The following CACNA2D1 variants were observed in gnomAD, a reference collection of about 807,000 sequenced individuals.
CACNA2D1 encodes voltage-dependent calcium channel subunit alpha-2/delta-1.
Under a neutral mutation model 171.5 loss-of-function variants are expected in CACNA2D1, and 53 were observed. That is an observed-to-expected ratio of 0.31 (90% confidence interval 0.25 to 0.39). CACNA2D1 has a LOEUF of 0.39. Ranked by LOEUF, CACNA2D1 falls within the 10% of genes least tolerant of loss-of-function variation. CACNA2D1 has a pLI of 1.00. For missense variants in CACNA2D1, 903 were observed against 1,299.8 expected (o/e 0.69, Z 4.69); for synonymous variants, 442 against 443.1 (o/e 1.00, Z 0.03).
intron 3 of CACNA2D1, among the ~76,000 whole-genome samples, chr7:82,212,502 T>G (rs1800663696): frequency 1.3e-5 from 2 of 152,220 alleles, no homozygotes; most frequent in African/African-American, 4.8e-5. Flanking sequence ...TAGATAAATT[T>G]GTAGAACATA....
chr7:82,211,877 GT>G (rs1337640876), intron 3 of CACNA2D1, among the ~76,000 whole-genome samples: 10 of 150,624 alleles, frequency 6.6e-5, no homozygotes, highest in African/African-American at 2.2e-4. Context: ...ACCTGTTTTT[GT>G]TTTGTTTTGT....
Position 81,967,970 on chromosome 7 carries a change from C to G in CACNA2D1, c.2396-307G>C, listed in dbSNP as rs191120486. Among the ~76,000 whole-genome samples the G allele has an allele frequency of 1.1e-3, 167 of 151,598 alleles. 1 individual carries two copies. The highest frequency in any genetic ancestry group is 3.5e-3 in the African/African-American group (147 of 41,486). On this transcript the variant is annotated intron_variant, in intron 29 of 38. Transcript: ENST00000356860. ...TCAAACGGTATATTTTAAGATGTTT[C>G]CCTAACCCCACCAGTGCTTGCAGTA...
At chr7:82,059,290 ATTTG>A (rs1433504429) in intron 10 of CACNA2D1, among the ~76,000 whole-genome samples, 1 of 152,122 alleles carries the variant, frequency 6.6e-6, no homozygotes, top group Non-Finnish European at 1.5e-5. Context: ...ACATGGTAAC[ATTTG>A]TTTGTCTTAT....
chr7:82,287,027 A>G (rs1810876258), intron 3 of CACNA2D1, among the ~76,000 whole-genome samples: 1 of 152,182 alleles, frequency 6.6e-6, no homozygotes, highest in Admixed American at 6.5e-5. Flanking sequence ...TCTCTTCTCA[A>G]TCATCAGCTG....
intron 5 of CACNA2D1, among the ~76,000 whole-genome samples, chr7:82,122,614 C>T (rs1789869172): frequency 6.6e-6 from 1 of 151,208 alleles, no homozygotes; most frequent in African/African-American, 2.4e-5. Context: ...TACAGTGCTA[C>T]AAAAGTATAC....
chr7:81,953,557 T>TAAA (rs35236970), intron 38 of CACNA2D1, among the ~76,000 whole-genome samples: 3 of 149,408 alleles, frequency 2.0e-5, no homozygotes, highest in Non-Finnish European at 3.0e-5. Context: ...AATATCAGAT[T>TAAA]AAAAAAAAAA....
intron 6 of CACNA2D1, 28 bp from the exon 7 acceptor site, chr7:82,084,928 T>C: frequency 3.2e-6 from 5 of 1,574,798 alleles, no homozygotes; most frequent in Non-Finnish European, 4.4e-6. Flanking sequence ...AACCATTAAT[T>C]AATTCAAATT....
chr7:82,130,930 G>A (rs1296039096), intron 5 of CACNA2D1, among the ~76,000 whole-genome samples: 2 of 151,292 alleles, frequency 1.3e-5, no homozygotes, highest in East Asian at 3.9e-4. Context: ...CCAAGTAGCT[G>A]AGACTACAGG....
At chr7:82,104,740 ATAGAG>A (rs1813110584) in intron 6 of CACNA2D1, among the ~76,000 whole-genome samples, 1 of 152,090 alleles carries the variant, frequency 6.6e-6, no homozygotes, top group African/African-American at 2.4e-5. Flanking sequence ...CAATCAACTA[ATAGAG>A]TAAATATGAA....
chr7:82,104,104 CATGAA>C (rs1243837007), intron 6 of CACNA2D1, among the ~76,000 whole-genome samples: 1 of 151,806 alleles, frequency 6.6e-6, no homozygotes, highest in Non-Finnish European at 1.5e-5. Context: ...CTAAAAGAAC[CATGAA>C]AAGAATCTAA....
intron 3 of CACNA2D1, among the ~76,000 whole-genome samples, chr7:82,319,004 T>C (rs1203071392): frequency 2.0e-5 from 3 of 152,174 alleles, no homozygotes; most frequent in Non-Finnish European, 4.4e-5. Context: ...TGAGGAGATA[T>C]GCTGCCAGAA....
chr7:82,111,407 CATA>C (rs2129048394), intron 6 of CACNA2D1, among the ~76,000 whole-genome samples: 1 of 69,078 alleles, frequency 1.4e-5, no homozygotes, highest in East Asian at 5.3e-4. Flanking sequence ...TATATATATT[CATA>C]TATGTGTATA....
chr7:81,962,324 T>C, intron 35 of CACNA2D1, 116 bp downstream of exon 35: 1 of 812,842 alleles, frequency 1.2e-6, no homozygotes, highest in Middle Eastern at 2.8e-4. Context: ...AATTATGAGA[T>C]GGGTGACCTG....
In CACNA2D1 at chr7:82,074,002, T is replaced by C. The variant is rs142553858; in HGVS notation, c.659-7478A>G. Among the ~76,000 whole-genome samples the C allele has an allele frequency of 2.7e-3, 415 of 152,178 alleles. 2 individuals carry two copies. The highest frequency in any genetic ancestry group is 9.1e-3 in the African/African-American group (376 of 41,524). On this transcript the variant is annotated intron_variant, in intron 7 of 38. Coordinates refer to ENST00000356860, the MANE Select transcript of CACNA2D1 (RefSeq NM_000722.4). ...AACACAAAAAGGCAGATTTGTAGAA[T>C]TGAAAATAAAACAAAAAAATTAAAA...
intron 18 of CACNA2D1, among the ~76,000 whole-genome samples, chr7:82,003,252 GA>G (rs1265208975): frequency 6.6e-6 from 1 of 151,866 alleles, no homozygotes. Context: ...ATGGTGTTCT[GA>G]AATAGTATTT....
At chr7:81,986,297 T>C (rs1796959929) in intron 21 of CACNA2D1, among the ~76,000 whole-genome samples, 1 of 152,178 alleles carries the variant, frequency 6.6e-6, no homozygotes. Context: ...ATTTTAGTAA[T>C]GTGCAGGAAA....
intron 3 of CACNA2D1, among the ~76,000 whole-genome samples, chr7:82,289,055 C>A (rs1037887574): frequency 2.6e-4 from 39 of 152,264 alleles, no homozygotes; most frequent in Non-Finnish European, 2.9e-4. Context: ...TAGTTCCACA[C>A]AGTTATAAAT....
chr7:81,959,269 T>C lies in CACNA2D1; in HGVS notation c.3159+6A>G. The C allele has an allele frequency of 6.3e-7, 1 of 1,578,626 alleles. No individual in the cohort carries two copies. Among genetic ancestry groups the C allele is most frequent in the Non-Finnish European group, 8.7e-7 (1 of 1,147,730 alleles). ...GTATTTTAATCCAGTAGAAGTGTGA[T>C]CTTACCAAGACATTGTTATCAAAGC... On this transcript the variant is annotated splice_donor_region_variant and intron_variant, in intron 38 of 38. Transcript: ENST00000356860.
intron 3 of CACNA2D1, among the ~76,000 whole-genome samples, chr7:82,294,850 T>C (rs1038319189): frequency 6.6e-6 from 1 of 152,206 alleles, no homozygotes; most frequent in Non-Finnish European, 1.5e-5. Context: ...ACATTTTATG[T>C]TGTTAAAATG....
Sources: gnomAD v4.1 joint callset for allele counts (sites outside exome capture counted in the v4.1 genomes callset) on GRCh38, gnomAD v4.1.1 for gene constraint, MANE v1.5 for transcripts, NCBI Gene and HGNC (gene_info 2026-07-23, HGNC 2026-07-21) for gene names.